Variants in MACROD2 observed in about 807,000 individuals in gnomAD.
MACROD2 encodes mono-ADP ribosylhydrolase 2.
In MACROD2, 36 loss-of-function variants were observed where a neutral mutation model predicts 70.4. The ratio of observed to expected loss-of-function variants is 0.51; its 90% confidence interval spans 0.39 to 0.68. The LOEUF (loss-of-function observed/expected upper bound fraction) is 0.68. Among genes scored for constraint, MACROD2 ranks in the 30% least tolerant of loss-of-function variants. The pLI, the probability that MACROD2 is intolerant of heterozygous loss-of-function variation, is 0.00. For missense variants in MACROD2, 496 were observed against 538.4 expected (o/e 0.92, Z 0.78); for synonymous variants, 172 against 178.8 (o/e 0.96, Z 0.30).
intron 6 of MACROD2, among the ~76,000 whole-genome samples, chr20:15,374,758 A>G (rs1171615145): frequency 6.6e-6 from 1 of 152,174 alleles, no homozygotes; most frequent in Non-Finnish European, 1.5e-5. Context: ...ACATCATTGC[A>G]TTTATAACTA....
chr20:14,720,437 A>T (rs942188336), intron 5 of MACROD2, among the ~76,000 whole-genome samples: 1 of 151,466 alleles, frequency 6.6e-6, no homozygotes, highest in Middle Eastern at 3.2e-3. Context: ...TTTGGTTGAT[A>T]ACAGTTGTCA....
chr20:14,912,246 A>T (rs1404724738), intron 5 of MACROD2, among the ~76,000 whole-genome samples: 1 of 152,216 alleles, frequency 6.6e-6, no homozygotes, highest in East Asian at 1.9e-4. Flanking sequence ...TGAGGCTAAC[A>T]TCACTCAAGC....
At chr20:14,507,116 G>T (rs536767187) in intron 4 of MACROD2, among the ~76,000 whole-genome samples, 1 of 152,222 alleles carries the variant, frequency 6.6e-6, no homozygotes, top group South Asian at 2.1e-4. Flanking sequence ...ACCAGTGGGG[G>T]TGAAGAAGGA....
intron 5 of MACROD2, among the ~76,000 whole-genome samples, chr20:15,107,874 A>C (rs940409819): frequency 1.9e-4 from 29 of 152,300 alleles, no homozygotes; most frequent in African/African-American, 6.7e-4. Flanking sequence ...TAGATAATAA[A>C]AGACTTTTCC....
At chr20:14,561,968 G>A (rs1025718087) in intron 4 of MACROD2, among the ~76,000 whole-genome samples, 2 of 126,610 alleles carry the variant, frequency 1.6e-5, no homozygotes, top group African/African-American at 5.4e-5. Context: ...ACCAGAATAT[G>A]AGCCATAATC....
chr20:15,056,867 G>A (rs1019239912), intron 5 of MACROD2, among the ~76,000 whole-genome samples: 1 of 152,148 alleles, frequency 6.6e-6, no homozygotes, highest in African/African-American at 2.4e-5. Context: ...CAGATATCAG[G>A]AGAAACAGAT....
At chr20:15,414,702 G>A (rs920912532) in intron 6 of MACROD2, among the ~76,000 whole-genome samples, 2 of 152,122 alleles carry the variant, frequency 1.3e-5, no homozygotes, top group East Asian at 1.9e-4. Context: ...TCAGGTATCC[G>A]TATACGTGAA....
intron 8 of MACROD2, among the ~76,000 whole-genome samples, chr20:15,658,237 T>C (rs891242915): frequency 6.6e-6 from 1 of 151,970 alleles, no homozygotes; most frequent in Non-Finnish European, 1.5e-5. Context: ...TTTTTTTTTT[T>C]TTTAACTTGA....
intron 3 of MACROD2, among the ~76,000 whole-genome samples, chr20:14,230,633 A>ATT (rs2081795508): frequency 4.0e-4 from 1 of 2,474 alleles, no homozygotes; most frequent in Non-Finnish European, 1.3e-3. Context: ...ATTCATGTTT[A>ATT]TATATATATA....
intron 5 of MACROD2, among the ~76,000 whole-genome samples, chr20:14,724,158 T>A (rs529767973): frequency 6.6e-6 from 1 of 152,266 alleles, no homozygotes; most frequent in East Asian, 1.9e-4. Context: ...TAAAAATGAA[T>A]GTACTAAGTT....
intron 5 of MACROD2, among the ~76,000 whole-genome samples, chr20:14,793,916 G>GA (rs2072480667): frequency 6.6e-6 from 1 of 152,122 alleles, no homozygotes; most frequent in African/African-American, 2.4e-5. Context: ...AATGATGGGT[G>GA]AAAAAGGAAG....
chr20:14,959,819 T>C (rs1164167876), intron 5 of MACROD2, among the ~76,000 whole-genome samples: 3 of 152,182 alleles, frequency 2.0e-5, no homozygotes, highest in South Asian at 2.1e-4. Context: ...ACAGCTAGGA[T>C]AGACCCTCCA....
chr20:15,769,725 A>G (rs1044087599), intron 8 of MACROD2, among the ~76,000 whole-genome samples: 2 of 152,200 alleles, frequency 1.3e-5, no homozygotes, highest in African/African-American at 4.8e-5. Context: ...GCACATGACT[A>G]TATATATCCT....
chr20:15,601,237 C>G (rs186624752), intron 8 of MACROD2, among the ~76,000 whole-genome samples: 3 of 152,252 alleles, frequency 2.0e-5, no homozygotes, highest in African/African-American at 4.8e-5. Context: ...ATTGGACTGT[C>G]CAAGTGGTAT....
intron 4 of MACROD2, among the ~76,000 whole-genome samples, chr20:14,657,721 G>A (rs547054267): frequency 3.3e-5 from 5 of 152,204 alleles, no homozygotes; most frequent in African/African-American, 1.2e-4. Flanking sequence ...GCTTATTCTT[G>A]TTGTTATTTA....
At chr20:16,005,593 C>T (rs1202350502) in intron 15 of MACROD2, among the ~76,000 whole-genome samples, 1 of 152,244 alleles carries the variant, frequency 6.6e-6, no homozygotes, top group Admixed American at 6.5e-5. Flanking sequence ...CTAATTCCAA[C>T]TTAGGAGCAT....
At chr20:15,996,002 C>G (rs1046176632) in intron 15 of MACROD2, among the ~76,000 whole-genome samples, 1 of 152,008 alleles carries the variant, frequency 6.6e-6, no homozygotes, top group Non-Finnish European at 1.5e-5. Flanking sequence ...ACTGATTTCT[C>G]TTCCTTCAGA....
intron 2 of MACROD2, among the ~76,000 whole-genome samples, chr20:14,064,804 G>A (rs1007473515): frequency 5.3e-5 from 8 of 152,166 alleles, no homozygotes; most frequent in Non-Finnish European, 7.3e-5. Flanking sequence ...CCAGTGCTGA[G>A]TGCAGTTCAG....
intron 5 of MACROD2, among the ~76,000 whole-genome samples, chr20:15,196,049 G>A (rs555603389): frequency 8.5e-5 from 13 of 152,180 alleles, no homozygotes; most frequent in East Asian, 5.8e-4. Flanking sequence ...ATGGACACAC[G>A]GGGGAACGAC....
Sources: gnomAD v4.1 joint callset for allele counts (sites outside exome capture counted in the v4.1 genomes callset) on GRCh38, gnomAD v4.1.1 for gene constraint, MANE v1.5 for transcripts, NCBI Gene and HGNC (gene_info 2026-07-23, HGNC 2026-07-21) for gene names.